The following GALE variants were observed in gnomAD, a reference collection of about 807,000 sequenced individuals.
GALE encodes UDP-glucose 4-epimerase.
A neutral mutation model predicts 44.1 loss-of-function variants in GALE; 32 were observed. That is an observed-to-expected ratio of 0.73 (90% CI 0.55 to 0.97). GALE has a LOEUF of 0.97. Ranked by LOEUF, GALE falls within the 50% of genes least tolerant of loss-of-function variation. The probability of loss-of-function intolerance (pLI) is 0.00; values close to 1 mark genes in which losing one functional copy is unlikely to be tolerated. For missense variants in GALE, 423 were observed against 455.6 expected, an observed-to-expected ratio of 0.93 and a Z score of 0.65; for synonymous variants, 182 against 183.5, an observed-to-expected ratio of 0.99 and a Z score of 0.06.
intron 2 of GALE, 26 bp downstream of exon 2, chr1:23,799,340 G>A: frequency 2.6e-6 from 1 of 389,814 alleles, no homozygotes; most frequent in Non-Finnish European, 4.9e-6. Context: ...TGACACACAG[G>A]CACCTTATTT....
Position 23,798,840 on chromosome 1 carries a change from G to T in GALE, c.121+47C>A, listed in dbSNP as rs754537742. The stretch of plus-strand genomic sequence containing the variant: ...TGGTGGAGGTGGAACCCAGGGTTTT[G>T]CTTCTGCCATCCCCTCAAGTAGCCC... On this transcript the variant is annotated intron_variant, in intron 3 of 11. Transcript: ENST00000617979. The surrounding 1 kb of genome is among the most constrained non-coding windows in gnomAD (Gnocchi z 4.5). 8 of 1,614,012 alleles carry T rather than the reference G, an allele frequency of 5.0e-6. No individual in the cohort carries two copies. Among genetic ancestry groups the T allele is most frequent in the Middle Eastern group, 1.6e-4 (1 of 6,062 alleles).
intron 2 of GALE, 102 bp downstream of exon 2, chr1:23,799,260 ACTTC>A (rs1639058785): frequency 7.4e-6 from 4 of 544,214 alleles, no homozygotes; most frequent in Non-Finnish European, 1.3e-5. Flanking sequence ...AATTGTATAA[ACTTC>A]ATGAGGCAGC....
At position 23,796,216 on chromosome 1, in the gene GALE, T is replaced by C. The variant is rs780393850; in HGVS notation, c.923A>G (p.Tyr308Cys). ...ARREGDVAAC[Y>C]ANPSLAQEEL... Reference sequence around the variant, plus strand: ...CTCTTGGGCCAGGCTGGGGTTGGCGTAACAGGCTGCCACATCACCTTCCCG... The same window carrying C: ...CTCTTGGGCCAGGCTGGGGTTGGCGCAACAGGCTGCCACATCACCTTCCCG... The change falls in exon 11 of 12, where the codon TAC (tyrosine) becomes TGC (cysteine). Residue 308 changes from tyrosine to cysteine, a missense_variant. Coordinates refer to ENST00000617979, the MANE Select transcript of GALE (RefSeq NM_001008216.2). This position sits in a 1 kb window ranked among gnomAD's most constrained non-coding sequence, Gnocchi z 5.2. 27 of 1,613,986 alleles carry C rather than the reference T, an allele frequency of 1.7e-5. No homozygotes were observed. The East Asian group carries it at 5.8e-4, about 35-fold the overall frequency.
chr1:23,798,882 C>T lies in GALE; in HGVS notation c.121+5G>A, dbSNP rs1338787491. The stretch of plus-strand genomic sequence containing the variant: ...AAGTAGCCCCAGCCCCACTGCCCCG[C>T]TCACCACGGAAGGCATTATGGAAGT... On this transcript the variant is annotated splice_donor_5th_base_variant and intron_variant, in intron 3 of 11. Transcript: ENST00000617979. This position sits in a 1 kb window ranked among gnomAD's most constrained non-coding sequence, Gnocchi z 4.5. The T allele has an allele frequency of 1.2e-6, 2 of 1,614,208 alleles. No homozygotes were observed. Among genetic ancestry groups the T allele is most frequent in the South Asian group, 1.1e-5 (1 of 91,088 alleles).
Position 23,796,206 on chromosome 1 carries a change from G to A in GALE, c.933C>T (p.Pro311=), listed in dbSNP as rs3177814. ...ACCCCAGCTCCTCTTGGGCCAGGCT[G>A]GGGTTGGCGTAACAGGCTGCCACAT... ...EGDVAACYAN[P]SLAQEELGWT... Residue 311 remains proline, a synonymous_variant, in exon 11 of 12, where the codon CCC becomes CCT. Transcript: ENST00000617979. The surrounding 1 kb of genome is among the most constrained non-coding windows in gnomAD (Gnocchi z 5.2). The A allele has an allele frequency of 6.2e-7, 1 of 1,614,152 alleles. No individual in the cohort carries two copies. The highest frequency in any genetic ancestry group is 8.5e-7 in the Non-Finnish European group (1 of 1,180,016).
Position 23,798,624 on chromosome 1 carries a change from G to C in GALE, c.228C>G (p.Leu76=). The change falls in exon 4 of 12, where the codon CTC becomes CTG. Residue 76 remains leucine (L), a synonymous_variant. Coordinates refer to ENST00000617979, the MANE Select transcript of GALE (RefSeq NM_001008216.2). This position sits in a 1 kb window ranked among gnomAD's most constrained non-coding sequence, Gnocchi z 4.5. ...DILDQGALQR[L]FKKYSFMAVI... ...CCCAGCCTGCACCCACCTTTTTGAA[G>C]AGACGCTGTAGGGCTCCCTGGTCCA... 6.2e-7 allele frequency: 1 copy of C among 1,613,048 alleles called. No homozygotes were observed.
chr1:23,798,157 TA>T lies in GALE; in HGVS notation c.310del (p.Tyr104IlefsTer6). ...GGTCCCGGTCAGGTTAACTCTGTAA[TA>T]ATCCAGAGGCTTCTGCACCGACTCG... Reference protein sequence around the residue: ...VGESVQKPLDYYRVNLTGTIQ... With the variant: ...VGESVQKPLDXYRVNLTGTIQ... On this transcript the variant is annotated frameshift_variant, in exon 5 of 12. Coordinates refer to ENST00000617979, the MANE Select transcript of GALE (RefSeq NM_001008216.2). LOFTEE classifies it high-confidence loss of function. This position sits in a 1 kb window ranked among gnomAD's most constrained non-coding sequence, Gnocchi z 4.5. 1 of 1,614,180 alleles carries T rather than the reference TA, an allele frequency of 6.2e-7. No individual in the cohort carries two copies. Among genetic ancestry groups the T allele is most frequent in the Non-Finnish European group, 8.5e-7 (1 of 1,180,018 alleles).
At position 23,799,444 on chromosome 1, in the gene GALE, GA is replaced by G; in HGVS notation, c.-76-9del. 1 of 290,426 alleles carries G rather than the reference GA, an allele frequency of 3.4e-6. No individual in the cohort carries two copies. The highest frequency in any genetic ancestry group is 6.8e-6 in the Non-Finnish European group (1 of 148,054). 18.0% of individuals were successfully genotyped at this position (290,426 alleles called of 1,614,324 possible). ...ACTGAGGACTGGAGAGTCCTGGGCA[GA>G]AGGAAAATGGCAGCACGATTGGGAC... is the stretch of plus-strand genomic sequence containing the variant. On this transcript the variant is annotated splice_polypyrimidine_tract_variant and intron_variant, in intron 1 of 11. Coordinates refer to ENST00000617979, the MANE Select transcript of GALE (RefSeq NM_001008216.2).
In GALE at chr1:23,796,372, C is replaced by A. The variant is rs555610199; in HGVS notation, c.874-107G>T. 7.0e-7 allele frequency: 1 copy of A among 1,432,608 alleles called. No homozygotes were observed. Among genetic ancestry groups the A allele is most frequent in the Non-Finnish European group, 9.8e-7 (1 of 1,020,356 alleles). 88.7% of individuals were successfully genotyped at this position (1,432,608 alleles called of 1,614,324 possible). ...AGAGCAGCGGCTGGCCCGCAGGCAC[C>A]GGGTGCTAGGCAGGCTGAGGAGACT... On this transcript the variant is annotated intron_variant, in intron 10 of 11. Transcript: ENST00000617979. The surrounding 1 kb of genome is among the most constrained non-coding windows in gnomAD (Gnocchi z 5.2).
chr1:23,796,726 T>C lies in GALE; in HGVS notation c.766A>G (p.Arg256Gly), dbSNP rs569993712. 25 of 1,613,098 alleles carry C rather than the reference T, an allele frequency of 1.5e-5. No homozygotes were observed. The East Asian group carries it at 1.8e-4, about 12-fold the overall frequency. ...DLAKGHIAALRKLKEQCGCRI... is the reference protein window; with the variant it reads ...DLAKGHIAALGKLKEQCGCRI... ...CAGCCACACTGTTCTTTCAGCTTCC[T>C]TAAGGCTGCAATGTGGCCCTTGGCC... Residue 256 changes from arginine to glycine, a missense_variant, in exon 9 of 12, where the codon AGG (arginine) becomes GGG (glycine). By Grantham distance (125) the Arg-to-Gly change is moderately radical. Transcript: ENST00000617979. The surrounding 1 kb of genome is among the most constrained non-coding windows in gnomAD (Gnocchi z 5.2).
chr1:23,795,783 C>T lies in GALE; in HGVS notation c.*166G>A. On this transcript the variant is annotated 3_prime_UTR_variant, in exon 12 of 12. Coordinates refer to ENST00000617979, the MANE Select transcript of GALE (RefSeq NM_001008216.2). ...GAGTTAGAGACCTCGGCCTCCTGGT[C>T]AGTGGAGCCCTTGGCCTCATGCCTG... is the stretch of plus-strand genomic sequence containing the variant. The T allele has an allele frequency of 1.5e-6, 1 of 677,252 alleles. No homozygotes were observed. Among genetic ancestry groups the T allele is most frequent in the Non-Finnish European group, 2.7e-6 (1 of 374,644 alleles). 42.0% of individuals were successfully genotyped at this position (677,252 alleles called of 1,614,324 possible). A position where few individuals can be genotyped will look rare whatever the true frequency, so the allele number is the denominator to read the frequency against.
In GALE at chr1:23,796,346, C is replaced by T; in HGVS notation, c.874-81G>A. On this transcript the variant is annotated intron_variant, in intron 10 of 11. Transcript: ENST00000617979. This position sits in a 1 kb window ranked among gnomAD's most constrained non-coding sequence, Gnocchi z 5.2. ...GCCAGGTCTTTAAGAAGCAGAAGTG[C>T]AGAGCAGCGGCTGGCCCGCAGGCAC... The T allele has an allele frequency of 1.3e-6, 2 of 1,485,084 alleles. No homozygotes were observed. Among genetic ancestry groups the T allele is most frequent in the Non-Finnish European group, 1.9e-6 (2 of 1,064,070 alleles). The allele number at this position is 1,485,084 out of a possible 1,614,324, so 92.0% of individuals were successfully genotyped here. A position where few individuals can be genotyped will look rare whatever the true frequency, so the allele number is the denominator to read the frequency against.
Position 23,796,917 on chromosome 1 carries a change from A to C in GALE, c.668T>G (p.Leu223Arg). The stretch of plus-strand genomic sequence containing the variant: ...GTCATAGTCATTGCCAAAGACATTC[A>C]GGGCCTCCCGTCGCCCGATCGCCAC... ...SQVAIGRREALNVFGNDYDTE... is the reference protein window; with the variant it reads ...SQVAIGRREARNVFGNDYDTE... Residue 223 changes from leucine to arginine, a missense_variant, in exon 8 of 12, where the codon CTG (leucine) becomes CGG (arginine). Transcript: ENST00000617979. This position sits in a 1 kb window ranked among gnomAD's most constrained non-coding sequence, Gnocchi z 5.2. The C allele has an allele frequency of 6.2e-7, 1 of 1,613,636 alleles. No individual in the cohort carries two copies.
At chr1:23,797,276 G>C in intron 6 of GALE, 129 bp from the exon 7 acceptor site, 1 of 717,748 alleles carries the variant, frequency 1.4e-6, no homozygotes, top group East Asian at 2.7e-5. Context: ...CTGGAGTGTA[G>C]TGGCCTGATT....
rs727503944 is a variant in GALE at position 23,797,825 on chromosome 1, G to A, written c.398C>T (p.Ala133Val). 3 of 1,614,202 alleles carry A rather than the reference G, an allele frequency of 1.9e-6. No homozygotes were observed. In the Admixed American group the frequency reaches 5.0e-5, roughly 27 times the overall value. ...GVKNLVFSSS[A>V]TVYGNPQYLP... ...GTACTGGGGGTTCCCGTACACAGTG[G>A]CTGAGCTGCTGAACACCAGGTTCTT... The change falls in exon 6 of 12, where the codon GCC becomes GTC. Residue 133 changes from alanine to valine, a missense_variant. Transcript: ENST00000617979.
rs1217453074 is a variant in GALE, at chr1:23,796,376, T to G, written c.874-111A>C. On this transcript the variant is annotated intron_variant, in intron 10 of 11. Transcript: ENST00000617979. The surrounding 1 kb of genome is among the most constrained non-coding windows in gnomAD (Gnocchi z 5.2). ...CAGCGGCTGGCCCGCAGGCACCGGG[T>G]GCTAGGCAGGCTGAGGAGACTGGGC... 7.0e-7 allele frequency: 1 copy of G among 1,427,742 alleles called. No homozygotes were observed. Among genetic ancestry groups the G allele is most frequent in the African/African-American group, 1.4e-5 (1 of 71,000 alleles). The allele number at this position is 1,427,742 out of a possible 1,614,324, so 88.4% of individuals were successfully genotyped here.
chr1:23,796,153 A>G lies in GALE; in HGVS notation c.986T>C (p.Met329Thr). 1 of 1,612,762 alleles carries G rather than the reference A, an allele frequency of 6.2e-7. No homozygotes were observed. The highest frequency in any genetic ancestry group is 8.5e-7 in the Non-Finnish European group (1 of 1,178,922). Reference sequence around the variant, plus strand: ...GCAGGGGTCAGGCCAGCACTCACACATCCTGTCCAGCCCTAAGGCTGCTGT... The same window carrying G: ...GCAGGGGTCAGGCCAGCACTCACACGTCCTGTCCAGCCCTAAGGCTGCTGT... The part of the protein sequence containing the change: ...GWTAALGLDR[M>T]CEDLWRWQKQ... The change falls in exon 11 of 12, where the codon ATG (methionine) becomes ACG (threonine). Residue 329 changes from methionine (M) to threonine (T), a missense_variant and splice_region_variant. Physicochemically the swap from Met to Thr is moderately conservative, Grantham distance 81. Transcript: ENST00000617979. This position sits in a 1 kb window ranked among gnomAD's most constrained non-coding sequence, Gnocchi z 5.2.
At position 23,795,781 on chromosome 1, in the gene GALE, G is replaced by C; in HGVS notation, c.*168C>G. 1 of 674,604 alleles carries C rather than the reference G, an allele frequency of 1.5e-6. No individual in the cohort carries two copies. The highest frequency in any genetic ancestry group is 1.7e-5 in the South Asian group (1 of 58,178). The allele number at this position is 674,604 out of a possible 1,614,324, so 41.8% of individuals were successfully genotyped here. The stretch of plus-strand genomic sequence containing the variant: ...AAGAGTTAGAGACCTCGGCCTCCTG[G>C]TCAGTGGAGCCCTTGGCCTCATGCC... On this transcript the variant is annotated 3_prime_UTR_variant, in exon 12 of 12. Transcript: ENST00000617979.
In GALE at chr1:23,796,027, G is replaced by A. The variant is rs1405829784; in HGVS notation, c.989-20C>T. 1.9e-6 allele frequency: 3 copies of A among 1,613,598 alleles called. No homozygotes were observed. The highest frequency in any genetic ancestry group is 1.7e-5 in the Admixed American group (1 of 59,980). ...CCTCACCTGCAACACGGCGAGGTGTGTGCTCAGGGCCCACGGTGGAATGCA... is the reference window on the plus strand; with the variant it reads ...CCTCACCTGCAACACGGCGAGGTGTATGCTCAGGGCCCACGGTGGAATGCA... On this transcript the variant is annotated intron_variant, in intron 11 of 11. Coordinates refer to ENST00000617979, the MANE Select transcript of GALE (RefSeq NM_001008216.2). This position sits in a 1 kb window ranked among gnomAD's most constrained non-coding sequence, Gnocchi z 5.2.
Sources: gnomAD v4.1 joint callset for allele counts on GRCh38, gnomAD v4.1.1 for gene constraint, Gnocchi (gnomAD v3.1) non-coding constraint, MANE v1.5 for transcripts, NCBI Gene and HGNC (gene_info 2026-07-23, HGNC 2026-07-21) for gene names.